Variants in GIGYF2 observed in about 807,000 individuals in gnomAD.
GIGYF2 encodes the protein GRB10 interacting GYF protein 2.
Under a neutral mutation model 208.1 loss-of-function variants are expected in GIGYF2, and 25 were observed. The observed-to-expected ratio is 0.12, with a 90% CI of 0.09 to 0.17. The LOEUF (loss-of-function observed/expected upper bound fraction) is 0.17. Among genes scored for constraint, GIGYF2 ranks in the 10% least tolerant of loss-of-function variants. The pLI, the probability that GIGYF2 is intolerant of heterozygous loss-of-function variation, is 1.00. For missense variants in GIGYF2, 1,302 were observed against 1,579.4 expected (o/e 0.82, Z 2.98); for synonymous variants, 534 against 543.8 (o/e 0.98, Z 0.25).
At chr2:232,729,703 T>A (rs994752407) in intron 2 of GIGYF2, 24 of 777,094 alleles carry the variant, frequency 3.1e-5, no homozygotes, top group Non-Finnish European at 5.3e-5. Context: ...AGCCATCTGC[T>A]TGAATGCCTC....
intron 2 of GIGYF2, among the ~76,000 whole-genome samples, chr2:232,733,118 G>A (rs1241511063): frequency 6.6e-6 from 1 of 152,120 alleles, no homozygotes; most frequent in Admixed American, 6.5e-5. Flanking sequence ...TTAGCCGGGT[G>A]TGGTGGCACG....
chr2:232,713,061 A>G (rs1460526937), intron 2 of GIGYF2, among the ~76,000 whole-genome samples: 1 of 139,432 alleles, frequency 7.2e-6, no homozygotes, highest in African/African-American at 2.7e-5. Flanking sequence ...TGCATTTTTA[A>G]AAAGTGTAGA....
chr2:232,749,323 C>T (rs1698257273), intron 5 of GIGYF2, among the ~76,000 whole-genome samples: 1 of 152,160 alleles, frequency 6.6e-6, no homozygotes, highest in Non-Finnish European at 1.5e-5. Context: ...TCCTTTAAAA[C>T]TTACTCAAGT....
rs1340404517 is a variant in GIGYF2 at position 232,859,825 on chromosome 2, G to C, written c.*2965G>C. ...CGTCTCCGGAATGGCAGCTTCAGAG[G>C]AGTTGAACTTAAGTGGTGATTGGCT... On this transcript the variant is annotated 3_prime_UTR_variant, in exon 29 of 29. Coordinates refer to ENST00000373563, the MANE Select transcript of GIGYF2 (RefSeq NM_001103146.3). 1 of 152,186 alleles carries C rather than the reference G, an allele frequency of 6.6e-6. No homozygotes were observed. Among genetic ancestry groups the C allele is most frequent in the Non-Finnish European group, 1.5e-5 (1 of 68,062 alleles). The allele number at this position is 152,186 out of a possible 1,614,324, so 9.4% of individuals were successfully genotyped here. A position where few individuals can be genotyped will look rare whatever the true frequency, so the allele number is the denominator to read the frequency against.
chr2:232,830,824 AAAAT>A (rs1701405945), intron 21 of GIGYF2, among the ~76,000 whole-genome samples: 1 of 152,214 alleles, frequency 6.6e-6, no homozygotes, highest in South Asian at 2.1e-4. Context: ...CTACAAAAAA[AAAAT>A]AATGATAATA....
intron 2 of GIGYF2, 27 bp downstream of exon 2, chr2:232,703,516 C>T (rs1385205312): frequency 6.6e-6 from 1 of 152,622 alleles, no homozygotes; most frequent in Admixed American, 6.5e-5. Context: ...AGCACAAAGC[C>T]TGAGGGCTTT....
chr2:232,830,568 G>C (rs1701399174), intron 21 of GIGYF2, among the ~76,000 whole-genome samples: 1 of 152,060 alleles, frequency 6.6e-6, no homozygotes, highest in Admixed American at 6.6e-5. Flanking sequence ...CATGAGTATG[G>C]TACATTTGTT....
Position 232,811,307 on chromosome 2 carries a change from G to T in GIGYF2, c.1962G>T (p.Gln654His), listed in dbSNP as rs780559435. Residue 654 changes from glutamine to histidine, a missense_variant, in exon 17 of 29, where the codon CAG becomes CAT. By Grantham distance (24) the Gln-to-His change is conservative. This residue lies in a region of GIGYF2 where 701 missense variants were observed against 793.0 expected (regional missense o/e 0.88). Coordinates refer to ENST00000373563, the MANE Select transcript of GIGYF2 (RefSeq NM_001103146.3). ...CAGCACTGTCTTCCCAGCAGCAGCAGCAGTTGGCACTTCTTCTTCAACAGT... is the reference window on the plus strand; with the variant it reads ...CAGCACTGTCTTCCCAGCAGCAGCATCAGTTGGCACTTCTTCTTCAACAGT... Reference protein sequence around the residue: ...QKAALSSQQQQQLALLLQQFQ... With the variant: ...QKAALSSQQQHQLALLLQQFQ... 1 of 1,612,692 alleles carries T rather than the reference G, an allele frequency of 6.2e-7. No homozygotes were observed. The highest frequency in any genetic ancestry group is 8.5e-7 in the Non-Finnish European group (1 of 1,178,760).
chr2:232,775,038 G>T (rs9288676), intron 8 of GIGYF2, among the ~76,000 whole-genome samples: 25,197 of 151,884 alleles, frequency 0.17, 2,629 homozygotes, highest in Non-Finnish European at 0.22. Flanking sequence ...AAGTCAAAAG[G>T]CTGATAATCG....
intron 8 of GIGYF2, among the ~76,000 whole-genome samples, chr2:232,786,871 C>G (rs1409352588): frequency 6.6e-6 from 1 of 152,094 alleles, no homozygotes; most frequent in African/African-American, 2.4e-5. Flanking sequence ...GAGTACGACT[C>G]TGAGGGTCTT....
intron 2 of GIGYF2, among the ~76,000 whole-genome samples, chr2:232,726,155 A>G (rs979075065): frequency 6.6e-6 from 1 of 152,158 alleles, no homozygotes; most frequent in African/African-American, 2.4e-5. Context: ...GGATCACTTG[A>G]GGTCAGGAGT....
At chr2:232,714,790 CT>C (rs113752189) in intron 2 of GIGYF2, among the ~76,000 whole-genome samples, 3,442 of 147,184 alleles carry the variant, frequency 0.023, 130 homozygotes, top group African/African-American at 0.079. Flanking sequence ...GGTCTGGCAT[CT>C]TTTTTTTTTT....
intron 22 of GIGYF2, among the ~76,000 whole-genome samples, chr2:232,838,916 ACATT>A (rs1357155913): frequency 6.6e-6 from 1 of 152,138 alleles, no homozygotes; most frequent in East Asian, 1.9e-4. Flanking sequence ...AGTGTTGAAG[ACATT>A]CATTTGAAGA....
rs547500883 is a variant in GIGYF2, at chr2:232,767,271, C to G, written c.532+5835C>G. 143 of 152,110 alleles carry G rather than the reference C, an allele frequency of 9.4e-4. 1 individual carries two copies. The highest frequency in any genetic ancestry group is 3.4e-3 in the African/African-American group (141 of 41,514). The allele number at this position is 152,110 out of a possible 1,614,324, so 9.4% of individuals were successfully genotyped here. The stretch of plus-strand genomic sequence containing the variant: ...CTGTAGATTTTTTTCCCTACTCACT[C>G]AAGTTATATCTAAGTAAAGCTTTAT... On this transcript the variant is annotated intron_variant, in intron 8 of 28. Transcript: ENST00000373563.
intron 22 of GIGYF2, among the ~76,000 whole-genome samples, chr2:232,839,325 TACAG>T (rs1302313349): frequency 7.2e-5 from 11 of 152,244 alleles, no homozygotes; most frequent in Admixed American, 7.2e-4. Context: ...GACTAGAAGC[TACAG>T]CCTGGTTAAC....
intron 2 of GIGYF2, among the ~76,000 whole-genome samples, chr2:232,717,407 C>T (rs1427411005): frequency 1.3e-5 from 2 of 152,088 alleles, no homozygotes; most frequent in African/African-American, 2.4e-5. Flanking sequence ...TGTACATATA[C>T]ATGTATATGT....
chr2:232,776,462 C>A, intron 8 of GIGYF2: 1 of 1,595,006 alleles, frequency 6.3e-7, no homozygotes, highest in Non-Finnish European at 8.6e-7. Flanking sequence ...TTTGCTGGGT[C>A]AGCCTTTATG....
intron 26 of GIGYF2, among the ~76,000 whole-genome samples, chr2:232,846,641 G>A (rs1056177845): frequency 6.7e-6 from 1 of 149,216 alleles, no homozygotes; most frequent in Admixed American, 6.8e-5. Context: ...TTAAATAACA[G>A]TAATGGCTGC....
intron 3 of GIGYF2, among the ~76,000 whole-genome samples, chr2:232,737,935 T>G (rs1030691472): frequency 1.6e-5 from 2 of 127,598 alleles, no homozygotes; most frequent in African/African-American, 6.2e-5. Flanking sequence ...TTTTTTGAGA[T>G]GGAGTCAGCC....
Sources: gnomAD v4.1 joint callset for allele counts (sites outside exome capture counted in the v4.1 genomes callset) on GRCh38, gnomAD v4.1.1 for gene constraint, gnomAD v4.1.1 regional missense constraint, MANE v1.5 for transcripts, NCBI Gene and HGNC (gene_info 2026-07-23, HGNC 2026-07-21) for gene names.